The following RALGPS1 variants were observed in gnomAD, a reference collection of about 807,000 sequenced individuals.
RALGPS1 encodes the protein ras-specific guanine nucleotide-releasing factor RalGPS1.
RALGPS1 carries 19 observed loss-of-function variants against 78.8 expected under a neutral mutation model. The ratio of observed to expected loss-of-function variants is 0.24; its 90% confidence interval spans 0.17 to 0.35. RALGPS1 has a LOEUF of 0.35. RALGPS1 is among the 10% of genes least tolerant of loss of function. The probability of loss-of-function intolerance (pLI) is 1.00; values close to 1 mark genes in which losing one functional copy is unlikely to be tolerated. For synonymous variants in RALGPS1, 228 were observed against 256.3 expected, an observed-to-expected ratio of 0.89 and a Z score of 1.06; for missense variants, 454 against 688.3, an observed-to-expected ratio of 0.66 and a Z score of 3.81.
intron 4 of RALGPS1, among the ~76,000 whole-genome samples, chr9:126,998,768 T>C (rs1266933636): frequency 6.6e-6 from 1 of 151,934 alleles, no homozygotes; most frequent in East Asian, 1.9e-4. Context: ...GGAACCAACC[T>C]AAATGTCCAA....
intron 11 of RALGPS1, chr9:127,184,372 C>T: frequency 3.3e-6 from 1 of 305,874 alleles, no homozygotes; most frequent in South Asian, 2.9e-5. Flanking sequence ...ATGTGTGAGA[C>T]AGCTCTTGGC....
intron 8 of RALGPS1, among the ~76,000 whole-genome samples, chr9:127,159,441 G>A (rs1422834720): frequency 6.6e-6 from 1 of 152,144 alleles, no homozygotes; most frequent in Non-Finnish European, 1.5e-5. Flanking sequence ...TCATACACAA[G>A]GCCATGTGCT....
At chr9:127,084,943 C>A (rs1054090340) in intron 8 of RALGPS1, among the ~76,000 whole-genome samples, 2 of 152,186 alleles carry the variant, frequency 1.3e-5, no homozygotes, top group Admixed American at 6.5e-5. Context: ...AGAGTCTTGA[C>A]AAGTCTGTGT....
intron 5 of RALGPS1, among the ~76,000 whole-genome samples, chr9:127,049,007 ACATTTTATTG>A (rs2048059908): frequency 6.6e-6 from 1 of 152,264 alleles, no homozygotes; most frequent in South Asian, 2.1e-4. Flanking sequence ...TAACGAGAAT[ACATTTTATTG>A]CAGCAGTAAG....
chr9:127,013,408 C>T (rs904122333), intron 4 of RALGPS1, among the ~76,000 whole-genome samples: 12 of 152,194 alleles, frequency 7.9e-5, no homozygotes, highest in Admixed American at 2.6e-4. Flanking sequence ...CCCAGAATCC[C>T]GCTGTGGTAC....
Position 127,183,727 on chromosome 9 carries a change from C to A in RALGPS1, c.910+8945C>A. ...CTGTAGGCCCTCTCTCCATGTGCTC[C>A]TCTCTCTGGAAACATACTCTCTCTG... On this transcript the variant is annotated intron_variant, in intron 11 of 18. Transcript: ENST00000259351. This position sits in a 1 kb window ranked among gnomAD's most constrained non-coding sequence, Gnocchi z 4.0. The A allele has an allele frequency of 1.4e-6, 1 of 720,100 alleles. No individual in the cohort carries two copies. The highest frequency in any genetic ancestry group is 2.8e-5 in the Admixed American group (1 of 35,214). The allele number at this position is 720,100 out of a possible 1,614,324, so 44.6% of individuals were successfully genotyped here.
At chr9:127,056,233 A>T (rs1203634332) in intron 7 of RALGPS1, among the ~76,000 whole-genome samples, 1 of 151,730 alleles carries the variant, frequency 6.6e-6, no homozygotes, top group Non-Finnish European at 1.5e-5. Context: ...ATTCTGAGAA[A>T]CCTCCCTATT....
At chr9:126,954,750 C>T (rs1421782221) in intron 1 of RALGPS1, among the ~76,000 whole-genome samples, 2 of 152,166 alleles carry the variant, frequency 1.3e-5, no homozygotes, top group Non-Finnish European at 2.9e-5. Context: ...TGCAGTGAGC[C>T]AAGATTGCGC....
intron 4 of RALGPS1, among the ~76,000 whole-genome samples, chr9:127,018,475 A>T (rs1564425732): frequency 6.6e-6 from 1 of 151,914 alleles, no homozygotes; most frequent in Non-Finnish European, 1.5e-5. Context: ...CTCTACTAAA[A>T]ATGCAAAAAT....
chr9:127,202,899 C>T lies in RALGPS1; in HGVS notation c.1247+3833C>T, dbSNP rs371023967. On this transcript the variant is annotated intron_variant, in intron 14 of 18. Transcript: ENST00000259351. ...CTGCTCTCCCAGGGAGGTGGGGAGGCGGCCGCAGGGCAGCGGCCGCAGGGC... is the reference window on the plus strand; with the variant it reads ...CTGCTCTCCCAGGGAGGTGGGGAGGTGGCCGCAGGGCAGCGGCCGCAGGGC... Among the ~76,000 whole-genome samples, 24 of 150,036 alleles carry T rather than the reference C, an allele frequency of 1.6e-4. No homozygotes were observed. In the East Asian group the frequency reaches 3.2e-3, roughly 20 times the overall value.
At chr9:127,095,565 C>G (rs997022861) in intron 8 of RALGPS1, among the ~76,000 whole-genome samples, 1 of 152,226 alleles carries the variant, frequency 6.6e-6, no homozygotes, top group African/African-American at 2.4e-5. Context: ...AAGCTCAGGG[C>G]AGGGTGGGGC....
At chr9:127,078,118 C>T (rs1253923963) in intron 8 of RALGPS1, among the ~76,000 whole-genome samples, 1 of 152,202 alleles carries the variant, frequency 6.6e-6, no homozygotes, top group Non-Finnish European at 1.5e-5. Flanking sequence ...GAAAAGCTTC[C>T]CTCGACCCCA....
chr9:127,184,266 G>A (rs563910299), intron 11 of RALGPS1: 19 of 478,102 alleles, frequency 4.0e-5, no homozygotes, highest in Admixed American at 6.7e-5. Flanking sequence ...GCTACAGTGA[G>A]CCGTGATCGC....
intron 8 of RALGPS1, among the ~76,000 whole-genome samples, chr9:127,123,683 T>C (rs1453299974): frequency 6.6e-6 from 1 of 152,200 alleles, no homozygotes; most frequent in African/African-American, 2.4e-5. Flanking sequence ...TCTGTGAATG[T>C]TGATAGAATC....
chr9:126,959,221 C>G (rs908533490), intron 1 of RALGPS1, among the ~76,000 whole-genome samples: 1 of 152,160 alleles, frequency 6.6e-6, no homozygotes, highest in Non-Finnish European at 1.5e-5. Context: ...GCCACCACAT[C>G]TGACTGATTT....
chr9:127,024,164 G>A (rs998707157), intron 4 of RALGPS1, among the ~76,000 whole-genome samples: 4 of 151,524 alleles, frequency 2.6e-5, no homozygotes, highest in Admixed American at 2.0e-4. Context: ...ATATTTTAGA[G>A]TATTTACTCA....
chr9:126,952,720 T>C (rs1283355180), intron 1 of RALGPS1, among the ~76,000 whole-genome samples: 9 of 149,670 alleles, frequency 6.0e-5, no homozygotes, highest in African/African-American at 2.2e-4. Flanking sequence ...CATGCGTGCA[T>C]GTGCCTGTGT....
intron 8 of RALGPS1, among the ~76,000 whole-genome samples, chr9:127,134,469 C>A (rs957447208): frequency 6.6e-6 from 1 of 152,194 alleles, no homozygotes; most frequent in Non-Finnish European, 1.5e-5. Flanking sequence ...TTGAAAAAAT[C>A]TATCAGTAAT....
At chr9:127,085,783 G>C (rs2051657014) in intron 8 of RALGPS1, among the ~76,000 whole-genome samples, 1 of 152,130 alleles carries the variant, frequency 6.6e-6, no homozygotes, top group Non-Finnish European at 1.5e-5. Context: ...GTAAGGTTGG[G>C]CCTTGTTTTC....
Sources: gnomAD v4.1 joint callset for allele counts (sites outside exome capture counted in the v4.1 genomes callset) on GRCh38, gnomAD v4.1.1 for gene constraint, Gnocchi (gnomAD v3.1) non-coding constraint, MANE v1.5 for transcripts, NCBI Gene and HGNC (gene_info 2026-07-23, HGNC 2026-07-21) for gene names.